The following SPIRE2 variants were observed in gnomAD, a reference collection of about 807,000 sequenced individuals.
SPIRE2 encodes spire type actin nucleation factor 2.
A neutral mutation model predicts 80.7 loss-of-function variants in SPIRE2; 76 were observed. That is an observed-to-expected ratio of 0.94 (90% CI 0.78 to 1.14). The LOEUF is 1.14. SPIRE2 is among the 50% of genes most tolerant of loss of function. The pLI is 0.00. For missense variants in SPIRE2, 1,196 were observed against 1,015.3 expected (o/e 1.18, Z -2.42); for synonymous variants, 535 against 432.6 (o/e 1.24, Z -2.94).
chr16:89,858,379 GA>G lies in SPIRE2; in HGVS notation c.1145del (p.Asp382ValfsTer39), dbSNP rs2041711823. 1 of 1,611,726 alleles carries G rather than the reference GA, an allele frequency of 6.2e-7. No individual in the cohort carries two copies. Among genetic ancestry groups the G allele is most frequent in the East Asian group, 2.2e-5 (1 of 44,844 alleles). On this transcript the variant is annotated frameshift_variant, in exon 8 of 15. Transcript: ENST00000378247. LOFTEE classifies it high-confidence loss of function. ...LPCILNACSG[D>X]AKSTSCINLS... ...CTGCATCCTCAACGCCTGCTCCGGAGATGCCAAGTCCACCTCCTGCATCAAC... is the reference window on the plus strand; with the variant it reads ...CTGCATCCTCAACGCCTGCTCCGGAGTGCCAAGTCCACCTCCTGCATCAAC...
At chr16:89,834,358 G>T (rs550819229) in intron 1 of SPIRE2, among the ~76,000 whole-genome samples, 2 of 135,278 alleles carry the variant, frequency 1.5e-5, no homozygotes, top group Non-Finnish European at 3.3e-5. Context: ...CTGTGCTCAC[G>T]GTTGGCCGTC....
chr16:89,833,064 C>T (rs570851334), intron 1 of SPIRE2, among the ~76,000 whole-genome samples: 23 of 150,996 alleles, frequency 1.5e-4, no homozygotes, highest in Non-Finnish European at 2.7e-4. Context: ...GATCTCAGCT[C>T]ACTGCAACCT....
intron 1 of SPIRE2, among the ~76,000 whole-genome samples, chr16:89,843,731 GCT>G (rs2143794862): frequency 1.1e-5 from 1 of 92,596 alleles, no homozygotes; most frequent in East Asian, 3.7e-4. Context: ...ACAGAGTCTC[GCT>G]TTGTTGCCCA....
chr16:89,857,429 C>G (rs926262761), intron 7 of SPIRE2, among the ~76,000 whole-genome samples: 2 of 152,138 alleles, frequency 1.3e-5, no homozygotes, highest in African/African-American at 4.8e-5. Context: ...AGCCACCATT[C>G]CCTGCCTAAC....
intron 1 of SPIRE2, among the ~76,000 whole-genome samples, chr16:89,831,726 C>T (rs2041385063): frequency 6.6e-6 from 1 of 151,172 alleles, no homozygotes; most frequent in African/African-American, 2.4e-5. Context: ...CAGGCAGGCC[C>T]CGCTCTTTAC....
chr16:89,847,491 T>C (rs2041573784), intron 2 of SPIRE2, among the ~76,000 whole-genome samples: 1 of 152,230 alleles, frequency 6.6e-6, no homozygotes, highest in Admixed American at 6.5e-5. Context: ...CCTGCCGTGG[T>C]ACATCTTAAA....
intron 2 of SPIRE2, 163 bp downstream of exon 2, chr16:89,845,528 G>A: frequency 2.6e-6 from 2 of 757,726 alleles, no homozygotes; most frequent in South Asian, 1.5e-5. Flanking sequence ...ATGAAACGCT[G>A]TTCACAGAGA....
chr16:89,836,556 A>G (rs1372767173), intron 1 of SPIRE2: 3 of 209,886 alleles, frequency 1.4e-5, no homozygotes, highest in Non-Finnish European at 3.0e-5. Context: ...GCAGACACCA[A>G]CGTTTGTTTA....
At chr16:89,845,944 T>G in intron 2 of SPIRE2, 1 of 335,774 alleles carries the variant, frequency 3.0e-6, no homozygotes, top group South Asian at 4.3e-5. Context: ...TCGCCCAGGC[T>G]GGAGTGCAGT....
At chr16:89,850,026 C>T (rs1228704979) in intron 2 of SPIRE2, 4 of 526,686 alleles carry the variant, frequency 7.6e-6, no homozygotes, top group East Asian at 7.4e-5. Context: ...TTAGTAGAGA[C>T]GGGGTTTCAT....
chr16:89,857,116 G>A (rs1360192574), intron 7 of SPIRE2, among the ~76,000 whole-genome samples: 1 of 146,920 alleles, frequency 6.8e-6, no homozygotes, highest in Non-Finnish European at 1.5e-5. Flanking sequence ...ACTTTACAAG[G>A]CCATTGGAAT....
At chr16:89,833,446 C>T (rs1056628433) in intron 1 of SPIRE2, among the ~76,000 whole-genome samples, 2 of 152,238 alleles carry the variant, frequency 1.3e-5, no homozygotes, top group African/African-American at 4.8e-5. Flanking sequence ...TGTTTTGATT[C>T]CCATTTTACA....
At chr16:89,840,859 G>A (rs1241844372) in intron 1 of SPIRE2, among the ~76,000 whole-genome samples, 3 of 151,302 alleles carry the variant, frequency 2.0e-5, no homozygotes, top group African/African-American at 4.9e-5. Flanking sequence ...GGATGGTCTC[G>A]ATCTCCTGAC....
At chr16:89,844,161 T>G (rs2041534920) in intron 1 of SPIRE2, among the ~76,000 whole-genome samples, 1 of 151,372 alleles carries the variant, frequency 6.6e-6, no homozygotes, top group Admixed American at 6.6e-5. Flanking sequence ...TTTTTATTTT[T>G]ATTTTTATAT....
intron 13 of SPIRE2, among the ~76,000 whole-genome samples, chr16:89,869,053 A>AAAATATATATATATAT: frequency 4.2e-5 from 1 of 24,036 alleles, no homozygotes; most frequent in African/African-American, 1.6e-4. Flanking sequence ...AAAAAAAAAA[A>AAAATATATATATATAT]ATATATATAT....
intron 1 of SPIRE2, among the ~76,000 whole-genome samples, chr16:89,835,747 A>T (rs1020759202): frequency 3.3e-5 from 5 of 152,138 alleles, no homozygotes; most frequent in Non-Finnish European, 7.3e-5. Context: ...CGTGCCGGGG[A>T]AGTCGAGGAC....
chr16:89,847,142 C>G (rs1487941632), intron 2 of SPIRE2: 1 of 152,192 alleles, frequency 6.6e-6, no homozygotes, highest in Non-Finnish European at 1.5e-5. Flanking sequence ...AAACCGAAGT[C>G]TATGTCACCA....
intron 1 of SPIRE2, among the ~76,000 whole-genome samples, chr16:89,829,137 G>A (rs2143768602): frequency 6.6e-6 from 1 of 152,332 alleles, no homozygotes; most frequent in South Asian, 2.1e-4. Flanking sequence ...GCACGGAGCT[G>A]GCCTTTGCTG....
At chr16:89,844,973 C>T (rs2041544060) in intron 1 of SPIRE2, among the ~76,000 whole-genome samples, 1 of 152,220 alleles carries the variant, frequency 6.6e-6, no homozygotes, top group Non-Finnish European at 1.5e-5. Flanking sequence ...ACTGTGGGAC[C>T]TGTTGGCTGC....
Sources: allele counts gnomAD v4.1 joint callset (sites outside exome capture counted in the v4.1 genomes callset), GRCh38; gene constraint gnomAD v4.1.1; transcripts MANE v1.5; gene names NCBI Gene and HGNC (gene_info 2026-07-23, HGNC 2026-07-21).